The following MYO16 variants were observed in gnomAD, a reference collection of about 807,000 sequenced individuals.
MYO16 encodes myosin XVI, also known as unconventional myosin-XVI.
MYO16 carries 94 observed loss-of-function variants against 205.3 expected under a neutral mutation model. That is an observed-to-expected ratio of 0.46 (90% CI 0.39 to 0.54). MYO16 has a LOEUF of 0.54. Ranked by LOEUF, MYO16 falls within the 20% of genes least tolerant of loss-of-function variation. MYO16 has a pLI of 0.00. For synonymous variants in MYO16, 988 were observed against 954.0 expected (o/e 1.04, Z -0.66); for missense variants, 2,315 against 2,387.5 (o/e 0.97, Z 0.63).
the MYO16 span, among the ~76,000 whole-genome samples, chr13:108,562,153 G>A: frequency 6.6e-6 from 1 of 152,086 alleles, no homozygotes; most frequent in South Asian, 2.1e-4. Context: ...TGCCAGCATA[G>A]TCCATTTCTG....
rs559715705 is a variant in MYO16, at chr13:108,802,186, A to G, written c.742-4493A>G. ...CCTGCTTTGCAACGGATCTCAAAAC[A>G]TATTTCTGCTGTCTAGTTGAAACTT... On this transcript the variant is annotated intron_variant, in intron 6 of 34. Coordinates refer to ENST00000457511, the MANE Select transcript of MYO16 (RefSeq NM_001198950.3). Among the ~76,000 whole-genome samples the G allele has an allele frequency of 4.1e-4, 62 of 152,290 alleles. 2 individuals carry two copies. The highest frequency in any genetic ancestry group is 3.1e-3 in the South Asian group (15 of 4,826).
the MYO16 span, among the ~76,000 whole-genome samples, chr13:108,507,803 C>G: frequency 6.6e-6 from 1 of 152,040 alleles, no homozygotes; most frequent in East Asian, 1.9e-4. Flanking sequence ...TTCTTCATTT[C>G]TATCTGATTG....
chr13:108,825,894 A>G (rs1224232497), intron 9 of MYO16, among the ~76,000 whole-genome samples: 9 of 152,012 alleles, frequency 5.9e-5, no homozygotes, highest in Non-Finnish European at 1.5e-5. Context: ...ACAAAATACA[A>G]GAAAATTTAA....
the MYO16 span, among the ~76,000 whole-genome samples, chr13:108,552,710 T>C: frequency 0.032 from 4,831 of 152,244 alleles, 108 homozygotes; most frequent in Non-Finnish European, 0.05. Context: ...CTTCCTCCTG[T>C]TATATCTGTC....
intron 12 of MYO16, among the ~76,000 whole-genome samples, chr13:108,876,166 AATT>A (rs1485293282): frequency 6.6e-6 from 1 of 152,190 alleles, no homozygotes; most frequent in African/African-American, 2.4e-5. Flanking sequence ...ACTATCATTT[AATT>A]ATTCTTAATA....
intron 6 of MYO16, among the ~76,000 whole-genome samples, chr13:108,797,795 T>TA (rs1398291112): frequency 6.6e-6 from 1 of 152,194 alleles, no homozygotes; most frequent in Non-Finnish European, 1.5e-5. Context: ...CATAGTTCTT[T>TA]AAAAAAATAC....
In MYO16 at chr13:109,125,401, G is replaced by A. The variant is rs960765005; in HGVS notation, c.3782+43G>A. 2 of 1,602,260 alleles carry A rather than the reference G, an allele frequency of 1.2e-6. No individual in the cohort carries two copies. Among genetic ancestry groups the A allele is most frequent in the African/African-American group, 1.3e-5 (1 of 74,458 alleles). ...GCAATTTTAATTACCTTTGTGATTG[G>A]TTCAGTGGAGTCATGAAAATTCAAA... is the stretch of plus-strand genomic sequence containing the variant. On this transcript the variant is annotated intron_variant, in intron 30 of 34. Transcript: ENST00000457511. This position sits in a 1 kb window ranked among gnomAD's most constrained non-coding sequence, Gnocchi z 4.0.
At chr13:108,617,437 C>A (rs1279089233) in intron 1 of MYO16, among the ~76,000 whole-genome samples, 3 of 152,118 alleles carry the variant, frequency 2.0e-5, no homozygotes, top group African/African-American at 7.2e-5. Context: ...TTATTTGATC[C>A]CTAGCAGTTG....
chr13:108,920,446 T>C (rs7993398), intron 16 of MYO16, among the ~76,000 whole-genome samples: 58,084 of 151,446 alleles, frequency 0.38, 11,468 homozygotes, highest in South Asian at 0.57. Flanking sequence ...CATCTCTTTC[T>C]GTCTCTGTCT....
intron 2 of MYO16, among the ~76,000 whole-genome samples, chr13:108,709,099 A>G (rs1883625512): frequency 6.6e-6 from 1 of 151,904 alleles, no homozygotes; most frequent in Admixed American, 6.6e-5. Context: ...CAACACTATA[A>G]AAGGAAGCCT....
intron 27 of MYO16, among the ~76,000 whole-genome samples, chr13:109,062,650 TAGAG>T (rs1887629087): frequency 6.6e-6 from 1 of 152,090 alleles, no homozygotes; most frequent in Non-Finnish European, 1.5e-5. Flanking sequence ...TATTGATTCA[TAGAG>T]AGATTATCAG....
intron 16 of MYO16, among the ~76,000 whole-genome samples, chr13:108,935,879 T>C (rs1566420662): frequency 1.3e-5 from 2 of 152,016 alleles, no homozygotes; most frequent in South Asian, 2.1e-4. Flanking sequence ...TCACATCTAT[T>C]GAGATGATTA....
At chr13:108,724,699 T>C (rs1472497448) in intron 3 of MYO16, among the ~76,000 whole-genome samples, 2 of 152,146 alleles carry the variant, frequency 1.3e-5, no homozygotes, top group Non-Finnish European at 2.9e-5. Context: ...ATATTTGACA[T>C]AACCCTCCCT....
At chr13:108,551,578 C>T in the MYO16 span, among the ~76,000 whole-genome samples, 2 of 152,078 alleles carry the variant, frequency 1.3e-5, no homozygotes, top group African/African-American at 4.8e-5. Flanking sequence ...AGAATGCCTC[C>T]TCTCCAATTC....
At chr13:108,716,057 T>A (rs1473073296) in intron 3 of MYO16, among the ~76,000 whole-genome samples, 1 of 151,912 alleles carries the variant, frequency 6.6e-6, no homozygotes, top group East Asian at 1.9e-4. Flanking sequence ...CAATAGATTA[T>A]AATTAATGGA....
chr13:108,560,572 C>G, the MYO16 span, among the ~76,000 whole-genome samples: 2 of 152,142 alleles, frequency 1.3e-5, no homozygotes, highest in Non-Finnish European at 2.9e-5. Flanking sequence ...TCAGATAACA[C>G]TGATTTTTCC....
intron 14 of MYO16, among the ~76,000 whole-genome samples, chr13:108,892,713 C>T (rs1005462075): frequency 6.6e-6 from 1 of 152,152 alleles, no homozygotes; most frequent in African/African-American, 2.4e-5. Flanking sequence ...AAACTGATGA[C>T]TTACTCATAA....
chr13:108,804,318 T>C (rs778167745), intron 6 of MYO16, among the ~76,000 whole-genome samples: 7 of 152,224 alleles, frequency 4.6e-5, no homozygotes, highest in Non-Finnish European at 1.0e-4. Context: ...GCTAATATGC[T>C]GCTGCTAGTT....
chr13:108,653,202 A>C (rs1415778490), intron 1 of MYO16, among the ~76,000 whole-genome samples: 3 of 152,190 alleles, frequency 2.0e-5, no homozygotes, highest in Non-Finnish European at 4.4e-5. Flanking sequence ...AAAAATATCT[A>C]TTCAAGTCCT....
Sources: allele counts gnomAD v4.1 joint callset (sites outside exome capture counted in the v4.1 genomes callset), GRCh38; gene constraint gnomAD v4.1.1; non-coding constraint Gnocchi (gnomAD v3.1); transcripts MANE v1.5; gene names NCBI Gene and HGNC (gene_info 2026-07-23, HGNC 2026-07-21).